The following DMD variants were observed in gnomAD, a reference collection of about 807,000 sequenced individuals.
DMD encodes the protein dystrophin.
DMD carries 63 observed loss-of-function variants against 330.1 expected under a neutral mutation model. The ratio of observed to expected loss-of-function variants is 0.19; its 90% CI spans 0.16 to 0.24. The LOEUF is 0.24. DMD is among the 10% of genes least tolerant of loss of function. The pLI is 1.00. For synonymous variants in DMD, 1,223 were observed against 959.8 expected (o/e 1.27, Z -5.07); for missense variants, 3,344 against 2,684.1 (o/e 1.25, Z -5.43).
At chrX:31,241,306 T>A (rs1753789305) in intron 63 of DMD, among the ~76,000 whole-genome samples, 1 of 111,371 alleles carries the variant, frequency 9.0e-6, no homozygotes, top group Non-Finnish European at 1.9e-5. Flanking sequence ...TGCTTTGCAA[T>A]GTGAGAAAAT....
intron 42 of DMD, among the ~76,000 whole-genome samples, chrX:32,306,885 A>G (rs182865589): frequency 1.1e-4 from 12 of 111,185 alleles, no homozygotes; most frequent in Non-Finnish European, 1.9e-4. Context: ...TCATTATTGC[A>G]AAAGGTAAAG....
intron 29 of DMD, among the ~76,000 whole-genome samples, chrX:32,417,043 CTTCTAT>C (rs2098168799): frequency 8.9e-6 from 1 of 112,035 alleles, no homozygotes; most frequent in Admixed American, 9.5e-5. Context: ...TGACCTAACT[CTTCTAT>C]TTAACTTAAG....
chrX:32,094,637 T>G (rs1422191067), intron 44 of DMD, among the ~76,000 whole-genome samples: 2 of 111,906 alleles, frequency 1.8e-5, no homozygotes, highest in Non-Finnish European at 3.8e-5. Flanking sequence ...AGAAAAACAT[T>G]CTATCACTTT....
chrX:33,009,485 CAT>C (rs1491412277), intron 2 of DMD, among the ~76,000 whole-genome samples: 6 of 68,721 alleles, frequency 8.7e-5, no homozygotes, highest in Admixed American at 7.7e-4. Context: ...TGTGTATACA[CAT>C]GTGTGTATAT....
intron 7 of DMD, among the ~76,000 whole-genome samples, chrX:32,729,822 G>T (rs1382309580): frequency 8.9e-6 from 1 of 111,758 alleles, no homozygotes; most frequent in Admixed American, 9.6e-5. Context: ...TGTCTCAGCA[G>T]GGCATTCAAC....
intron 49 of DMD, among the ~76,000 whole-genome samples, chrX:31,824,295 C>T (rs1312217578): frequency 1.8e-5 from 2 of 109,266 alleles, no homozygotes; most frequent in African/African-American, 6.7e-5. Context: ...TGGAGTTTCA[C>T]TGTTGTTGCC....
chrX:31,494,006 C>T (rs1357913864), intron 57 of DMD, among the ~76,000 whole-genome samples: 1 of 109,342 alleles, frequency 9.1e-6, no homozygotes, highest in East Asian at 2.9e-4. Flanking sequence ...AAAATACAAA[C>T]ATTAGGTGGG....
intron 50 of DMD, among the ~76,000 whole-genome samples, chrX:31,815,118 C>T (rs772830288): frequency 1.8e-5 from 2 of 112,135 alleles, no homozygotes; most frequent in African/African-American, 6.5e-5. Flanking sequence ...GTTCTCAAAG[C>T]ATAGGCCAGC....
Position 32,838,478 on chromosome X carries a change from T to C in DMD, c.264+6305A>G, listed in dbSNP as rs187711275. Among the ~76,000 whole-genome samples, 304 of 111,263 alleles carry C rather than the reference T, an allele frequency of 2.7e-3. 2 individuals are homozygous for C. The highest frequency in any genetic ancestry group is 5.0e-3 in the Non-Finnish European group (267 of 53,122). Reference sequence around the variant, plus strand: ...GTTCTCATTGTTCAGCTACCACTTATGAGTCAGAACATGCGGTGTTTGGTT... The same window carrying C: ...GTTCTCATTGTTCAGCTACCACTTACGAGTCAGAACATGCGGTGTTTGGTT... On this transcript the variant is annotated intron_variant, in intron 4 of 78. Coordinates refer to ENST00000357033, the MANE Select transcript of DMD (RefSeq NM_004006.3).
intron 48 of DMD, among the ~76,000 whole-genome samples, chrX:31,854,581 C>T (rs911408919): frequency 2.7e-5 from 3 of 111,610 alleles, no homozygotes; most frequent in Middle Eastern, 8.3e-3. Flanking sequence ...CAGAAACTTG[C>T]CTAGGGCACA....
At chrX:33,295,468 T>G (rs1052896640) in intron 1 of DMD, among the ~76,000 whole-genome samples, 4 of 110,395 alleles carry the variant, frequency 3.6e-5, no homozygotes, top group African/African-American at 1.3e-4. Context: ...AAGAGACATA[T>G]ATAGAGAGAT....
At position 31,120,669 on chromosome X, in the gene DMD, C is replaced by CACTT. The variant is rs1218732833; in HGVS notation, c.*1246_*1249dup. 3.6e-5 allele frequency: 4 copies of CACTT among 111,429 alleles called. No homozygotes were observed. Among genetic ancestry groups the CACTT allele is most frequent in the Non-Finnish European group, 7.5e-5 (4 of 53,119 alleles). 9.2% of individuals were successfully genotyped at this position (111,429 alleles called of 1,213,427 possible). Reference sequence around the variant, plus strand: ...TATTATGAACAATCATCCAATCCTTCACTTAAAGAGTGGCCTACTCCTTCA... The same window carrying CACTT: ...TATTATGAACAATCATCCAATCCTTCACTTACTTAAAGAGTGGCCTACTCCTTCA... On this transcript the variant is annotated 3_prime_UTR_variant, in exon 79 of 79. Transcript: ENST00000357033.
intron 55 of DMD, among the ~76,000 whole-genome samples, chrX:31,544,090 C>T (rs1350431117): frequency 9.0e-6 from 1 of 110,759 alleles, no homozygotes; most frequent in African/African-American, 3.3e-5. Flanking sequence ...TTTGGGAGGC[C>T]GAAGTGGGCG....
At chrX:32,891,543 A>T (rs2085203207) in intron 2 of DMD, among the ~76,000 whole-genome samples, 1 of 111,976 alleles carries the variant, frequency 8.9e-6, no homozygotes, top group African/African-American at 3.2e-5. Context: ...TGGAGAAGAC[A>T]ATCTAATAAA....
At chrX:32,765,833 T>C (rs1040735549) in intron 7 of DMD, among the ~76,000 whole-genome samples, 1 of 112,216 alleles carries the variant, frequency 8.9e-6, no homozygotes, top group African/African-American at 3.2e-5. Context: ...TTCTAAAAGT[T>C]CTGTACTTTT....
chrX:31,700,134 C>T (rs936421998), intron 52 of DMD, among the ~76,000 whole-genome samples: 76 of 107,773 alleles, frequency 7.1e-4, no homozygotes, highest in Non-Finnish European at 1.1e-3. Context: ...TGCAGTGAGC[C>T]GAGATTGCGC....
intron 20 of DMD, among the ~76,000 whole-genome samples, chrX:32,485,683 CTA>C (rs1349607921): frequency 2.1e-5 from 2 of 93,667 alleles, no homozygotes; most frequent in African/African-American, 7.5e-5. Flanking sequence ...CTATAATCTT[CTA>C]TGTTTTGTAT....
At chrX:32,719,267 T>A (rs2066026279) in intron 7 of DMD, among the ~76,000 whole-genome samples, 1 of 112,108 alleles carries the variant, frequency 8.9e-6, no homozygotes, top group South Asian at 3.7e-4. Context: ...TAGCTTCAAA[T>A]AGAAAGTATT....
rs57965070 is a variant in DMD, at chrX:32,629,799, T to TAA, written c.1331+14331_1331+14332dup. On this transcript the variant is annotated intron_variant, in intron 11 of 78. Coordinates refer to ENST00000357033, the MANE Select transcript of DMD (RefSeq NM_004006.3). ...ATAAACAAATAAGCAAAGAGAAAAC[T>TAA]AAAAAAAAAAAAAATGCTACACTTT... Among the ~76,000 whole-genome samples the TAA allele has an allele frequency of 9.6e-3, 955 of 99,187 alleles. 13 individuals carry two copies. The highest frequency in any genetic ancestry group is 0.032 in the African/African-American group (881 of 27,590). The allele number at this position is 99,187 out of a possible 115,157, so 86.1% of individuals were successfully genotyped here.
Sources: allele counts gnomAD v4.1 joint callset (sites outside exome capture counted in the v4.1 genomes callset), GRCh38; gene constraint gnomAD v4.1.1; transcripts MANE v1.5; gene names NCBI Gene and HGNC (gene_info 2026-07-23, HGNC 2026-07-21).